The following LIMS2 variants were observed in gnomAD, a reference collection of about 807,000 sequenced individuals.
The protein encoded by LIMS2 is LIM zinc finger domain containing 2, also known as LIM and senescent cell antigen-like-containing domain protein 2.
A neutral mutation model predicts 45.3 loss-of-function variants in LIMS2; 30 were observed. That is an observed-to-expected ratio of 0.66 (90% CI 0.50 to 0.90). The LOEUF (loss-of-function observed/expected upper bound fraction) is 0.90, where lower values mean the gene tolerates loss of function less well. Among genes scored for constraint, LIMS2 ranks in the 40% least tolerant of loss-of-function variants. The pLI is 0.00. For missense variants in LIMS2, 485 were observed against 468.7 expected, an observed-to-expected ratio of 1.03 and a Z score of -0.32; for synonymous variants, 173 against 188.0, an observed-to-expected ratio of 0.92 and a Z score of 0.65.
rs1434892178 is a variant in LIMS2 at position 127,653,971 on chromosome 2, C to T, written c.359+453G>A. Reference sequence around the variant, plus strand: ...GGGCCAGGGGAGGTGGGAGACAAGGCCACCTGCTATAGGGACAGTGCTTGG... The same window carrying T: ...GGGCCAGGGGAGGTGGGAGACAAGGTCACCTGCTATAGGGACAGTGCTTGG... On this transcript the variant is annotated intron_variant, in intron 4 of 9. Transcript: ENST00000355119. The surrounding 1 kb of genome is among the most constrained non-coding windows in gnomAD (Gnocchi z 5.3). Among the ~76,000 whole-genome samples, 1 of 151,942 alleles carries T rather than the reference C, an allele frequency of 6.6e-6. No homozygotes were observed. Among genetic ancestry groups the T allele is most frequent in the Admixed American group, 6.6e-5 (1 of 15,256 alleles).
chr2:127,640,809 G>A, intron 7 of LIMS2, 87 bp downstream of exon 7: 1 of 1,213,922 alleles, frequency 8.2e-7, no homozygotes, highest in Non-Finnish European at 1.2e-6. Context: ...AGCTCCTGAG[G>A]GGGTGCCCAC....
At chr2:127,651,647 C>G in intron 4 of LIMS2, 1 of 1,613,502 alleles carries the variant, frequency 6.2e-7, no homozygotes, top group Non-Finnish European at 8.5e-7. Context: ...CTGAGAAGTT[C>G]CGCCACGCCC....
intron 1 of LIMS2, chr2:127,674,712 G>C: frequency 2.0e-6 from 2 of 985,442 alleles, no homozygotes; most frequent in East Asian, 2.3e-4. Flanking sequence ...TCTGACCTTG[G>C]ACAAGACCCC....
rs1008185575 is a variant in LIMS2 at position 127,664,396 on chromosome 2, G to C, written c.12-6834C>G. ...ACCCAGCCGGGCCGCCATGGCGCGGGGCAGCCGCCTTGAGGTCGCGGGCGC... is the reference window on the plus strand; with the variant it reads ...ACCCAGCCGGGCCGCCATGGCGCGGCGCAGCCGCCTTGAGGTCGCGGGCGC... On this transcript the variant is annotated intron_variant, in intron 1 of 9. Transcript: ENST00000355119. This position sits in a 1 kb window ranked among gnomAD's most constrained non-coding sequence, Gnocchi z 5.5. 2 of 1,203,754 alleles carry C rather than the reference G, an allele frequency of 1.7e-6. No homozygotes were observed. Among genetic ancestry groups the C allele is most frequent in the East Asian group, 6.9e-5 (2 of 29,010 alleles). The allele number at this position is 1,203,754 out of a possible 1,614,324, so 74.6% of individuals were successfully genotyped here.
intron 1 of LIMS2, among the ~76,000 whole-genome samples, chr2:127,660,350 T>G (rs959759897): frequency 2.6e-5 from 4 of 152,194 alleles, no homozygotes; most frequent in South Asian, 2.1e-4. Flanking sequence ...GAAAGTTTGT[T>G]CTTTTGCTCT....
chr2:127,668,668 CAAAAAAAAAAAAAAAAAAAAAAAA>C (rs70985469), intron 1 of LIMS2, among the ~76,000 whole-genome samples: 783 of 17,254 alleles, frequency 0.045, 17 homozygotes, highest in African/African-American at 0.12. Context: ...GACTCCGTCT[CAAAAAAAAAAAAAAAAAAAAAAAA>C]AAAAAAAAAA....
chr2:127,660,502 A>C (rs1337098499), intron 1 of LIMS2, among the ~76,000 whole-genome samples: 1 of 152,160 alleles, frequency 6.6e-6, no homozygotes, highest in Non-Finnish European at 1.5e-5. Flanking sequence ...CGAGGAACAG[A>C]TAATTCCGGA....
rs1683985280 is a variant in LIMS2 at position 127,653,271 on chromosome 2, G to A, written c.359+1153C>T. Among the ~76,000 whole-genome samples, 2 of 152,200 alleles carry A rather than the reference G, an allele frequency of 1.3e-5. No homozygotes were observed. The highest frequency in any genetic ancestry group is 2.4e-5 in the African/African-American group (1 of 41,448). Reference sequence around the variant, plus strand: ...CCCGGACAGAGAGAGTGTGGCAGGGGAAGCATGGCTGGGGCCTCTGGGGGT... The same window carrying A: ...CCCGGACAGAGAGAGTGTGGCAGGGAAAGCATGGCTGGGGCCTCTGGGGGT... On this transcript the variant is annotated intron_variant, in intron 4 of 9. Transcript: ENST00000355119. This position sits in a 1 kb window ranked among gnomAD's most constrained non-coding sequence, Gnocchi z 5.3.
intron 7 of LIMS2, 164 bp downstream of exon 7, chr2:127,640,732 C>A: frequency 1.5e-6 from 1 of 645,594 alleles, no homozygotes; most frequent in Non-Finnish European, 2.8e-6. Flanking sequence ...AGAGAGCTGC[C>A]CAGGTCTCGA....
At chr2:127,651,098 C>T in intron 4 of LIMS2, 1 of 1,613,726 alleles carries the variant, frequency 6.2e-7, no homozygotes, top group Non-Finnish European at 8.5e-7. Context: ...GCATCTACTT[C>T]CTCACCTGCA....
At position 127,671,416 on chromosome 2, in the gene LIMS2, G is replaced by A. The variant is rs1388520679; in HGVS notation, c.11+3598C>T. 2.7e-5 allele frequency among the ~76,000 whole-genome samples: 4 copies of A among 150,198 alleles called. No individual in the cohort carries two copies. Among genetic ancestry groups the A allele is most frequent in the Non-Finnish European group, 4.4e-5 (3 of 67,798 alleles). ...CCACTGCACTCCAGCTTGGGTGACAGAGCGAGACTCCATCTCAAAAAAAAA... is the reference window on the plus strand; with the variant it reads ...CCACTGCACTCCAGCTTGGGTGACAAAGCGAGACTCCATCTCAAAAAAAAA... On this transcript the variant is annotated intron_variant, in intron 1 of 9. Coordinates refer to ENST00000355119, the MANE Select transcript of LIMS2 (RefSeq NM_001161403.3). The surrounding 1 kb of genome is among the most constrained non-coding windows in gnomAD (Gnocchi z 4.1).
At chr2:127,679,194 C>T (rs909665896), upstream of LIMS2, among the ~76,000 whole-genome samples, 1 of 152,094 alleles carries the variant, frequency 6.6e-6, no homozygotes, top group Non-Finnish European at 1.5e-5. This position sits in a 1 kb window ranked among gnomAD's most constrained non-coding sequence, Gnocchi z 5.3. Context: ...GCAGGCAGGG[C>T]CCCTGCAATG....
intron 4 of LIMS2, chr2:127,644,072 C>G (rs1416448313): frequency 2.2e-6 from 1 of 456,536 alleles, no homozygotes; most frequent in Non-Finnish European, 4.4e-6. Flanking sequence ...CCAGGACCTG[C>G]TACTGCTGGG....
upstream of LIMS2, among the ~76,000 whole-genome samples, chr2:127,677,424 A>G (rs554447025): frequency 2.0e-5 from 3 of 152,310 alleles, no homozygotes; most frequent in East Asian, 5.8e-4. The surrounding 1 kb of genome is among the most constrained non-coding windows in gnomAD (Gnocchi z 5.0). Context: ...AGGGTGAGGG[A>G]AAGTTTCTGA....
In LIMS2 at chr2:127,642,581, A is replaced by G; in HGVS notation, c.509+342T>C. Reference sequence around the variant, plus strand: ...TGCCTATGCAACTCCTCTCTCCAACACCAGCACCAAGCCCACTCCCGGTCT... The same window carrying G: ...TGCCTATGCAACTCCTCTCTCCAACGCCAGCACCAAGCCCACTCCCGGTCT... On this transcript the variant is annotated intron_variant, in intron 5 of 9. Coordinates refer to ENST00000355119, the MANE Select transcript of LIMS2 (RefSeq NM_001161403.3). This position sits in a 1 kb window ranked among gnomAD's most constrained non-coding sequence, Gnocchi z 5.3. The G allele has an allele frequency of 2.6e-6, 1 of 380,442 alleles. No homozygotes were observed. Among genetic ancestry groups the G allele is most frequent in the South Asian group, 4.3e-5 (1 of 23,512 alleles). 23.6% of individuals were successfully genotyped at this position (380,442 alleles called of 1,614,324 possible).
At chr2:127,673,870 G>A in intron 1 of LIMS2, 2 of 775,472 alleles carry the variant, frequency 2.6e-6, no homozygotes, top group South Asian at 3.1e-5. Flanking sequence ...CCACTCTCCG[G>A]GGGATGAGTC....
At chr2:127,668,697 A>AAAAC (rs1558901451) in intron 1 of LIMS2, among the ~76,000 whole-genome samples, 2 of 85,764 alleles carry the variant, frequency 2.3e-5, no homozygotes, top group Non-Finnish European at 5.2e-5. Flanking sequence ...AAAAAAAAAA[A>AAAAC]AAAAAAAAAA....
chr2:127,650,040 C>T (rs779785347), intron 4 of LIMS2: 1 of 1,608,760 alleles, frequency 6.2e-7, no homozygotes, highest in South Asian at 1.1e-5. Flanking sequence ...TGGGCTGGAT[C>T]CAGAAAGCCC....
intron 2 of LIMS2, chr2:127,655,123 G>A (rs1047887504): frequency 2.0e-5 from 12 of 608,534 alleles, no homozygotes; most frequent in South Asian, 5.6e-5. Context: ...GGAGAGGTCC[G>A]TGAGGCCACC....
Sources: allele counts gnomAD v4.1 joint callset (sites outside exome capture counted in the v4.1 genomes callset), GRCh38; gene constraint gnomAD v4.1.1; non-coding constraint Gnocchi (gnomAD v3.1); transcripts MANE v1.5; gene names NCBI Gene and HGNC (gene_info 2026-07-23, HGNC 2026-07-21).